TFDP2: variants seen among roughly 807,000 people sequenced by gnomAD.
TFDP2 encodes the protein transcription factor Dp-2 (E2F dimerization partner 2).
Under a neutral mutation model 59.3 loss-of-function variants are expected in TFDP2, and 17 were observed. That is an observed-to-expected ratio of 0.29 (90% CI 0.20 to 0.43). The LOEUF is 0.43. TFDP2 is among the 20% of genes least tolerant of loss of function. The probability of loss-of-function intolerance (pLI) is 1.00; values close to 1 mark genes in which losing one functional copy is unlikely to be tolerated. For missense variants in TFDP2, 391 were observed against 528.8 expected (o/e 0.74, Z 2.56); for synonymous variants, 180 against 194.7 (o/e 0.92, Z 0.63).
At chr3:142,042,610 T>C (rs1340174633) in intron 3 of TFDP2, among the ~76,000 whole-genome samples, 1 of 142,542 alleles carries the variant, frequency 7.0e-6, no homozygotes, top group African/African-American at 2.7e-5. Context: ...TGTTTCTTTT[T>C]CTTTCTTTTC....
chr3:142,101,241 A>G (rs1377019187), intron 2 of TFDP2, among the ~76,000 whole-genome samples: 1 of 152,086 alleles, frequency 6.6e-6, no homozygotes, highest in Non-Finnish European at 1.5e-5. Flanking sequence ...AGAGGGAAAA[A>G]CTTGAATAAC....
intron 3 of TFDP2, among the ~76,000 whole-genome samples, chr3:142,039,764 C>T (rs1422808756): frequency 6.6e-6 from 1 of 152,150 alleles, no homozygotes; most frequent in Non-Finnish European, 1.5e-5. Flanking sequence ...CAGTCAACCA[C>T]TAGTGAAGGG....
chr3:142,105,755 C>T (rs933574634), intron 1 of TFDP2, among the ~76,000 whole-genome samples: 1 of 152,126 alleles, frequency 6.6e-6, no homozygotes, highest in African/African-American at 2.4e-5. Flanking sequence ...GAGTACAGCA[C>T]AAACTGGAAT....
chr3:141,964,822 C>A (rs565402326), intron 9 of TFDP2, among the ~76,000 whole-genome samples: 1 of 152,178 alleles, frequency 6.6e-6, no homozygotes, highest in Non-Finnish European at 1.5e-5. Context: ...AGTTTGGAAT[C>A]CAGCCCCAGC....
At chr3:142,134,504 T>C (rs1047565556) in intron 1 of TFDP2, among the ~76,000 whole-genome samples, 5 of 152,278 alleles carry the variant, frequency 3.3e-5, no homozygotes, top group African/African-American at 1.2e-4. Flanking sequence ...AAAATTGCTT[T>C]ATTCTGCCTA....
chr3:142,001,989 GGTT>G (rs1197492830), intron 4 of TFDP2, among the ~76,000 whole-genome samples: 12 of 137,690 alleles, frequency 8.7e-5, no homozygotes, highest in East Asian at 2.0e-4. Context: ...CACCATGCCT[GGTT>G]TTTTTTTTTT....
chr3:142,010,955 G>C (rs1239816066), intron 3 of TFDP2, among the ~76,000 whole-genome samples: 2 of 111,922 alleles, frequency 1.8e-5, no homozygotes, highest in Non-Finnish European at 3.7e-5. Context: ...TGCTGGAGAG[G>C]ATGTGGAGAA....
intron 3 of TFDP2, among the ~76,000 whole-genome samples, chr3:142,087,604 G>A (rs1454961310): frequency 6.6e-6 from 1 of 151,264 alleles, no homozygotes; most frequent in Non-Finnish European, 1.5e-5. Flanking sequence ...AGGCTCAAGT[G>A]ATCCTCCTGC....
chr3:142,057,538 G>A lies in TFDP2; in HGVS notation c.82+35523C>T, dbSNP rs114531381. 9.4e-3 allele frequency among the ~76,000 whole-genome samples: 1,439 copies of A among 152,284 alleles called. 8 individuals are homozygous for A. Among genetic ancestry groups the A allele is most frequent in the Non-Finnish European group, 0.015 (1,043 of 68,018 alleles). On this transcript the variant is annotated intron_variant, in intron 3 of 12. Coordinates refer to ENST00000489671, the MANE Select transcript of TFDP2 (RefSeq NM_001178139.2). ...GGAATTTTTGAAATCTAAGGATAAT[G>A]TGCAACTGGGAAGCTATGAACTGTG... is the stretch of plus-strand genomic sequence containing the variant.
chr3:141,987,579 G>A (rs1244394338), intron 6 of TFDP2, among the ~76,000 whole-genome samples: 2 of 126,808 alleles, frequency 1.6e-5, no homozygotes, highest in Non-Finnish European at 3.4e-5. Flanking sequence ...CACTGCGCCT[G>A]GCGTGTGTGT....
At chr3:142,118,664 A>T (rs1411046455) in intron 1 of TFDP2, among the ~76,000 whole-genome samples, 2 of 152,170 alleles carry the variant, frequency 1.3e-5, no homozygotes, top group African/African-American at 4.8e-5. Context: ...AAACTAAATT[A>T]TAAGGTATGT....
Position 141,952,401 on chromosome 3 carries a change from G to T in TFDP2, c.*112C>A. The T allele has an allele frequency of 1.9e-6, 2 of 1,027,594 alleles. No individual in the cohort carries two copies. The highest frequency in any genetic ancestry group is 2.7e-6 in the Non-Finnish European group (2 of 732,010). The allele number at this position is 1,027,594 out of a possible 1,614,324, so 63.7% of individuals were successfully genotyped here. A position where few individuals can be genotyped will look rare whatever the true frequency, so the allele number is the denominator to read the frequency against. On this transcript the variant is annotated 3_prime_UTR_variant, in exon 13 of 13. Transcript: ENST00000489671. ...TTATTGTGTTTCTCTAGTTTTCACT[G>T]AACACACAGTGCAAACAAAGGCAAA... is the stretch of plus-strand genomic sequence containing the variant.
At chr3:142,092,979 T>C (rs2061047471) in intron 3 of TFDP2, 82 bp downstream of exon 3, 4 of 908,484 alleles carry the variant, frequency 4.4e-6, no homozygotes, top group Admixed American at 2.6e-5. Context: ...ATACATAAAG[T>C]AATTCATGTA....
chr3:142,063,954 T>C (rs184989253), intron 3 of TFDP2, among the ~76,000 whole-genome samples: 5 of 152,300 alleles, frequency 3.3e-5, no homozygotes, highest in African/African-American at 1.2e-4. Context: ...TTTTGGTTTT[T>C]AGTTTTTTTC....
At chr3:141,956,166 G>T (rs1475847157) in intron 11 of TFDP2, among the ~76,000 whole-genome samples, 1 of 152,120 alleles carries the variant, frequency 6.6e-6, no homozygotes, top group Non-Finnish European at 1.5e-5. Context: ...GGAAAATCAG[G>T]AAGATTTCTA....
intron 3 of TFDP2, among the ~76,000 whole-genome samples, chr3:142,029,560 T>C (rs931261783): frequency 6.6e-6 from 1 of 152,184 alleles, no homozygotes; most frequent in Non-Finnish European, 1.5e-5. Flanking sequence ...CTTAGGTTCC[T>C]TTCCAAATCT....
chr3:142,054,751 C>G (rs539112134), intron 3 of TFDP2, among the ~76,000 whole-genome samples: 1 of 152,246 alleles, frequency 6.6e-6, no homozygotes, highest in South Asian at 2.1e-4. Flanking sequence ...AGGTTCAAAT[C>G]CCAGTGTGTG....
At chr3:142,111,057 G>C (rs2061639748) in intron 1 of TFDP2, among the ~76,000 whole-genome samples, 1 of 152,230 alleles carries the variant, frequency 6.6e-6, no homozygotes, top group Admixed American at 6.5e-5. Flanking sequence ...AGCTATGAAG[G>C]CATGCATTAA....
At chr3:142,127,429 C>T (rs755900771) in intron 1 of TFDP2, among the ~76,000 whole-genome samples, 51 of 151,394 alleles carry the variant, frequency 3.4e-4, no homozygotes, top group Non-Finnish European at 4.7e-4. Flanking sequence ...GCTTCAGCCT[C>T]CCCAGTAGCT....
Sources: gnomAD v4.1 joint callset for allele counts (sites outside exome capture counted in the v4.1 genomes callset) on GRCh38, gnomAD v4.1.1 for gene constraint, MANE v1.5 for transcripts, NCBI Gene and HGNC (gene_info 2026-07-23, HGNC 2026-07-21) for gene names.